AHCYL2: variants seen among roughly 807,000 people sequenced by gnomAD.
AHCYL2 encodes the protein S-adenosylhomocysteine hydrolase-like protein 2.
In AHCYL2, 28 loss-of-function variants were observed where a neutral mutation model predicts 81.4. The ratio of observed to expected loss-of-function variants is 0.34; its 90% confidence interval spans 0.25 to 0.47. AHCYL2 has a LOEUF of 0.47. Ranked by LOEUF, AHCYL2 falls within the 20% of genes least tolerant of loss-of-function variation. The pLI, the probability that AHCYL2 is intolerant of heterozygous loss-of-function variation, is 1.00. For missense variants in AHCYL2, 551 were observed against 785.1 expected (o/e 0.70, Z 3.56); for synonymous variants, 272 against 290.2 (o/e 0.94, Z 0.64).
At position 129,357,906 on chromosome 7, in the gene AHCYL2, C is replaced by T. The variant is rs573864050; in HGVS notation, c.364-21732C>T. On this transcript the variant is annotated intron_variant, in intron 1 of 16. Coordinates refer to ENST00000325006, the MANE Select transcript of AHCYL2 (RefSeq NM_015328.4). Reference sequence around the variant, plus strand: ...CTGAGATCAGGCCACTGCACTCCAGCCTGGGTGACAGGGCGAGACTCCATC... The same window carrying T: ...CTGAGATCAGGCCACTGCACTCCAGTCTGGGTGACAGGGCGAGACTCCATC... Among the ~76,000 whole-genome samples the T allele has an allele frequency of 2.3e-4, 34 of 150,376 alleles. No homozygotes were observed. In the East Asian group the frequency reaches 5.3e-3, roughly 24 times the overall value.
At chr7:129,283,279 G>T (rs945940068) in intron 1 of AHCYL2, 2 of 444,682 alleles carry the variant, frequency 4.5e-6, no homozygotes, top group African/African-American at 4.1e-5. Flanking sequence ...TATTCTCAAG[G>T]CAGTAAGCAG....
chr7:129,290,880 A>C (rs1796825983), intron 1 of AHCYL2, among the ~76,000 whole-genome samples: 1 of 151,644 alleles, frequency 6.6e-6, no homozygotes, highest in Non-Finnish European at 1.5e-5. Flanking sequence ...CAGTGAGCCG[A>C]GATCACGCCA....
At chr7:129,413,556 T>G in intron 11 of AHCYL2, 38 bp from the exon 12 acceptor site, 1 of 1,481,030 alleles carries the variant, frequency 6.8e-7, no homozygotes, top group Non-Finnish European at 9.4e-7. Context: ...TGGATTATCT[T>G]TCTCCACTGC....
At chr7:129,288,825 A>G (rs1424398980) in intron 1 of AHCYL2, among the ~76,000 whole-genome samples, 1 of 151,852 alleles carries the variant, frequency 6.6e-6, no homozygotes, top group Non-Finnish European at 1.5e-5. Context: ...CTGGAGGTGC[A>G]GTAGCATGAT....
chr7:129,304,691 A>C (rs888007157), intron 1 of AHCYL2, among the ~76,000 whole-genome samples: 1 of 152,184 alleles, frequency 6.6e-6, no homozygotes, highest in Non-Finnish European at 1.5e-5. Flanking sequence ...TCTGATACAA[A>C]TACAGTTAGT....
chr7:129,279,139 A>G (rs750550011), intron 1 of AHCYL2, among the ~76,000 whole-genome samples: 6 of 152,092 alleles, frequency 3.9e-5, no homozygotes, highest in African/African-American at 7.2e-5. Context: ...TTGAATCTGC[A>G]TTTGGAGAGA....
intron 6 of AHCYL2, among the ~76,000 whole-genome samples, chr7:129,400,776 C>T (rs1795994571): frequency 6.6e-6 from 1 of 152,010 alleles, no homozygotes; most frequent in African/African-American, 2.4e-5. Context: ...AGATACTTAG[C>T]CTTCTCTCTA....
At chr7:129,248,882 G>T (rs1266151663) in intron 1 of AHCYL2, among the ~76,000 whole-genome samples, 2 of 151,246 alleles carry the variant, frequency 1.3e-5, no homozygotes, top group Non-Finnish European at 1.5e-5. Context: ...CACTGTATAG[G>T]CTATTGTAAA....
At chr7:129,366,316 C>A (rs1008513293) in intron 1 of AHCYL2, among the ~76,000 whole-genome samples, 3 of 152,190 alleles carry the variant, frequency 2.0e-5, no homozygotes, top group Non-Finnish European at 4.4e-5. Context: ...TCTGGCCATT[C>A]ATTTGAATTC....
At position 129,358,373 on chromosome 7, in the gene AHCYL2, C is replaced by T. The variant is rs551797405; in HGVS notation, c.364-21265C>T. Among the ~76,000 whole-genome samples the T allele has an allele frequency of 1.1e-4, 16 of 151,074 alleles. 1 individual carries two copies. The South Asian group carries it at 3.4e-3, about 32-fold the overall frequency. ...CGCCACTGCACTCCAGCCTGGGAGA[C>T]AGAGCGAGACTCCGTCTCACACACA... On this transcript the variant is annotated intron_variant, in intron 1 of 16. Transcript: ENST00000325006.
At chr7:129,246,216 G>A (rs922062354) in intron 1 of AHCYL2, among the ~76,000 whole-genome samples, 2 of 152,062 alleles carry the variant, frequency 1.3e-5, no homozygotes, top group African/African-American at 2.4e-5. Context: ...GTGCCACCAC[G>A]CCCATCTAAT....
chr7:129,421,601 C>T, intron 12 of AHCYL2, among the ~76,000 whole-genome samples: 1 of 152,182 alleles, frequency 6.6e-6, no homozygotes, highest in East Asian at 1.9e-4. Context: ...ATTTATGAAA[C>T]TTGACATTTC....
In AHCYL2 at chr7:129,422,958, A is replaced by G; in HGVS notation, c.1560+20A>G. The G allele has an allele frequency of 6.2e-7, 1 of 1,609,812 alleles. No homozygotes were observed. The highest frequency in any genetic ancestry group is 8.5e-7 in the Non-Finnish European group (1 of 1,176,556). On this transcript the variant is annotated intron_variant, in intron 13 of 16. Transcript: ENST00000325006. ...GCAGAGGTAAGGCTGAGACTGGCAAAAATACTCCCCCACAACAGGAGAGAC... is the reference window on the plus strand; with the variant it reads ...GCAGAGGTAAGGCTGAGACTGGCAAGAATACTCCCCCACAACAGGAGAGAC...
chr7:129,295,082 A>G (rs1218948170), intron 1 of AHCYL2, among the ~76,000 whole-genome samples: 1 of 152,276 alleles, frequency 6.6e-6, no homozygotes, highest in African/African-American at 2.4e-5. Flanking sequence ...TCAAAGAAAT[A>G]GCATCTGTCA....
chr7:129,395,279 G>C (rs1334717912), intron 4 of AHCYL2, among the ~76,000 whole-genome samples: 4 of 152,302 alleles, frequency 2.6e-5, no homozygotes, highest in Non-Finnish European at 2.9e-5. Flanking sequence ...TGCCGCACTA[G>C]ACTGCTGCTC....
At chr7:129,413,011 G>C (rs1401847557) in intron 11 of AHCYL2, among the ~76,000 whole-genome samples, 1 of 148,822 alleles carries the variant, frequency 6.7e-6, no homozygotes, top group African/African-American at 2.5e-5. Flanking sequence ...GCTTATTTTT[G>C]TATTTTTTTT....
intron 1 of AHCYL2, among the ~76,000 whole-genome samples, chr7:129,281,337 G>T (rs879786914): frequency 3.3e-5 from 5 of 151,970 alleles, no homozygotes; most frequent in African/African-American, 7.3e-5. Context: ...GTCTTTGCAA[G>T]GCTTTGGTAT....
intron 1 of AHCYL2, among the ~76,000 whole-genome samples, chr7:129,357,372 A>C (rs1793766887): frequency 1.3e-5 from 2 of 152,238 alleles, no homozygotes; most frequent in Admixed American, 1.3e-4. Context: ...GGTGAAGTAC[A>C]TATGGAAACT....
intron 6 of AHCYL2, among the ~76,000 whole-genome samples, chr7:129,401,339 G>GC (rs11375520): frequency 0.28 from 41,041 of 144,512 alleles, 6,919 homozygotes; most frequent in East Asian, 0.57. Context: ...CCATCCCAGT[G>GC]CCCCCCCCCA....
Sources: allele counts gnomAD v4.1 joint callset (sites outside exome capture counted in the v4.1 genomes callset), GRCh38; gene constraint gnomAD v4.1.1; transcripts MANE v1.5; gene names NCBI Gene and HGNC (gene_info 2026-07-23, HGNC 2026-07-21).